Variants in MIER1 observed in about 807,000 individuals in gnomAD.
MIER1 encodes mesoderm induction early response protein 1.
Under a neutral mutation model 75.7 loss-of-function variants are expected in MIER1, and 40 were observed. The observed-to-expected ratio is 0.53, with a 90% CI of 0.41 to 0.69. MIER1 has a LOEUF of 0.69. MIER1 is among the 30% of genes least tolerant of loss of function. MIER1 has a pLI of 0.00. For missense variants in MIER1, 574 were observed against 680.2 expected, an observed-to-expected ratio of 0.84 and a Z score of 1.74; for synonymous variants, 213 against 223.4, an observed-to-expected ratio of 0.95 and a Z score of 0.42.
intron 2 of MIER1, among the ~76,000 whole-genome samples, chr1:66,937,430 CAA>C (rs1460031237): frequency 6.6e-6 from 1 of 151,906 alleles, no homozygotes; most frequent in Admixed American, 6.6e-5. Flanking sequence ...ATTAAAAACA[CAA>C]AAGTTAGCGA....
intron 2 of MIER1, chr1:66,930,374 C>G (rs758489190): frequency 1.2e-6 from 2 of 1,607,694 alleles, no homozygotes; most frequent in Non-Finnish European, 1.7e-6. Context: ...GGAGATGTGA[C>G]CCGGCAGTAC....
Position 66,968,434 on chromosome 1 carries a change from C to CT in MIER1, c.773-2364dup, listed in dbSNP as rs35832076. 2.3e-3 allele frequency among the ~76,000 whole-genome samples: 337 copies of CT among 149,104 alleles called. 1 individual carries two copies. Among genetic ancestry groups the CT allele is most frequent in the Non-Finnish European group, 4.1e-3 (273 of 66,974 alleles). On this transcript the variant is annotated intron_variant, in intron 8 of 13. Coordinates refer to ENST00000401041, the MANE Select transcript of MIER1 (RefSeq NM_001077700.3). The stretch of plus-strand genomic sequence containing the variant: ...TTTTCATCAGTTTTGTGAACACAGA[C>CT]TTTTTTTTTTAAGTGCCACAAAACT...
At chr1:66,957,834 T>G (rs1005229966) in intron 4 of MIER1, among the ~76,000 whole-genome samples, 2 of 152,214 alleles carry the variant, frequency 1.3e-5, no homozygotes, top group Non-Finnish European at 2.9e-5. Flanking sequence ...CTTAAAGATC[T>G]TGTTGTCAGC....
chr1:66,967,354 A>C (rs1662635366), intron 8 of MIER1, among the ~76,000 whole-genome samples: 1 of 151,784 alleles, frequency 6.6e-6, no homozygotes, highest in Admixed American at 6.6e-5. Context: ...TCTGTTCTGT[A>C]TGTCTTATTT....
intron 4 of MIER1, chr1:66,946,941 T>G: frequency 1.0e-6 from 1 of 985,470 alleles, no homozygotes; most frequent in Non-Finnish European, 1.2e-6. Flanking sequence ...CTTCTTCCGT[T>G]ACTCAAGGTT....
At chr1:66,961,499 A>G (rs1371617123) in intron 7 of MIER1, among the ~76,000 whole-genome samples, 4 of 152,258 alleles carry the variant, frequency 2.6e-5, no homozygotes, top group African/African-American at 4.8e-5. Flanking sequence ...CTACCGAACA[A>G]ATTAACAGAT....
chr1:66,964,391 G>T (rs1291525825), intron 8 of MIER1, among the ~76,000 whole-genome samples: 3 of 149,262 alleles, frequency 2.0e-5, no homozygotes, highest in Non-Finnish European at 3.0e-5. Flanking sequence ...TTTTTAAAGA[G>T]TCTGTTTCAG....
chr1:66,931,760 G>A (rs1206894442), intron 2 of MIER1, among the ~76,000 whole-genome samples: 1 of 152,154 alleles, frequency 6.6e-6, no homozygotes, highest in Non-Finnish European at 1.5e-5. Flanking sequence ...TCGGTACCTG[G>A]ATTTTAGTCC....
intron 2 of MIER1, among the ~76,000 whole-genome samples, chr1:66,927,529 T>A (rs944082924): frequency 6.6e-6 from 1 of 152,146 alleles, no homozygotes; most frequent in African/African-American, 2.4e-5. Context: ...TCTTCTAGTA[T>A]GAATAGGCTT....
At chr1:66,977,842 AT>A (rs1004312345) in intron 12 of MIER1, among the ~76,000 whole-genome samples, 6 of 152,190 alleles carry the variant, frequency 3.9e-5, no homozygotes, top group African/African-American at 1.4e-4. Flanking sequence ...ATAAAAAAAA[AT>A]TGACTTTGTC....
At chr1:66,966,247 C>T (rs188581362) in intron 8 of MIER1, among the ~76,000 whole-genome samples, 1 of 152,298 alleles carries the variant, frequency 6.6e-6, no homozygotes, top group Admixed American at 6.5e-5. Context: ...CAAGTGTTCT[C>T]ATTGTTCACT....
At position 66,958,238 on chromosome 1, in the gene MIER1, TA is replaced by T; in HGVS notation, c.501+19del. 6.4e-7 allele frequency: 1 copy of T among 1,559,174 alleles called. No individual in the cohort carries two copies. Among genetic ancestry groups the T allele is most frequent in the Non-Finnish European group, 8.8e-7 (1 of 1,142,656 alleles). Reference sequence around the variant, plus strand: ...AAAATAAAGTAAGTCTATATACATATATTTAAGATTGTAGTCTTTATTCTTG... The same window carrying T: ...AAAATAAAGTAAGTCTATATACATATTTTAAGATTGTAGTCTTTATTCTTG... On this transcript the variant is annotated intron_variant, in intron 5 of 13. Transcript: ENST00000401041.
At chr1:66,972,260 A>ATT (rs1663845485) in intron 10 of MIER1, among the ~76,000 whole-genome samples, 1 of 33,466 alleles carries the variant, frequency 3.0e-5, no homozygotes, top group Non-Finnish European at 5.9e-5. Flanking sequence ...ATATATATAT[A>ATT]TAGATATGTA....
intron 12 of MIER1, among the ~76,000 whole-genome samples, chr1:66,977,294 G>C (rs568483763): frequency 1.3e-5 from 2 of 152,132 alleles, no homozygotes; most frequent in South Asian, 4.2e-4. Context: ...ATTTTTATTA[G>C]AGACGGGGTT....
chr1:66,980,396 T>C (rs1179241279), intron 12 of MIER1, among the ~76,000 whole-genome samples: 1 of 152,216 alleles, frequency 6.6e-6, no homozygotes, highest in Non-Finnish European at 1.5e-5. Flanking sequence ...TATACATTTC[T>C]GAGATATGTA....
At chr1:66,979,918 C>A (rs902688333) in intron 12 of MIER1, among the ~76,000 whole-genome samples, 2 of 152,104 alleles carry the variant, frequency 1.3e-5, no homozygotes, top group Non-Finnish European at 2.9e-5. Context: ...GCATGCGCCA[C>A]CACACCCGGC....
intron 11 of MIER1, among the ~76,000 whole-genome samples, chr1:66,973,641 T>G (rs1224491786): frequency 6.6e-6 from 1 of 152,040 alleles, no homozygotes. Context: ...TAACTGAAAT[T>G]AGGTATGATT....
intron 2 of MIER1, among the ~76,000 whole-genome samples, chr1:66,930,672 C>A: frequency 6.6e-6 from 1 of 151,644 alleles, no homozygotes. Context: ...GGGGAGGGGG[C>A]GCCCGCCGGG....
intron 6 of MIER1, 111 bp from the exon 7 acceptor site, chr1:66,959,568 A>G: frequency 1.8e-6 from 1 of 560,810 alleles, no homozygotes; most frequent in Non-Finnish European, 3.1e-6. Context: ...GGCTTAATTC[A>G]TTAGATATCT....
Sources: allele counts gnomAD v4.1 joint callset (sites outside exome capture counted in the v4.1 genomes callset), GRCh38; gene constraint gnomAD v4.1.1; transcripts MANE v1.5; gene names NCBI Gene and HGNC (gene_info 2026-07-23, HGNC 2026-07-21).